Variants in ZMIZ1 observed in about 807,000 individuals in gnomAD.
ZMIZ1 encodes the protein zinc finger MIZ-type containing 1.
Under a neutral mutation model 113.9 loss-of-function variants are expected in ZMIZ1, and 17 were observed. That is an observed-to-expected ratio of 0.15 (90% CI 0.10 to 0.22). The LOEUF is 0.22. ZMIZ1 is among the 10% of genes least tolerant of loss of function. The pLI is 1.00. For synonymous variants in ZMIZ1, 607 were observed against 603.1 expected, an observed-to-expected ratio of 1.01 and a Z score of -0.09; for missense variants, 1,059 against 1,477.8, an observed-to-expected ratio of 0.72 and a Z score of 4.65.
chr10:79,240,797 G>A (rs1245793969), intron 7 of ZMIZ1, among the ~76,000 whole-genome samples: 2 of 151,826 alleles, frequency 1.3e-5, no homozygotes, highest in African/African-American at 4.8e-5. Flanking sequence ...TAGGGAGACT[G>A]GCAGGTTGTC....
chr10:79,161,700 T>G (rs1846120540), intron 3 of ZMIZ1, among the ~76,000 whole-genome samples: 1 of 152,266 alleles, frequency 6.6e-6, no homozygotes, highest in Admixed American at 6.5e-5. Flanking sequence ...TAGGGATCAC[T>G]ATCACATCAG....
chr10:79,196,264 C>T (rs569254039), intron 4 of ZMIZ1, among the ~76,000 whole-genome samples: 1 of 152,180 alleles, frequency 6.6e-6, no homozygotes, highest in Non-Finnish European at 1.5e-5. Context: ...TCTGCGATGT[C>T]CCTCCTGCCA....
intron 2 of ZMIZ1, among the ~76,000 whole-genome samples, chr10:79,126,470 G>A (rs1167903827): frequency 6.6e-6 from 1 of 152,164 alleles, no homozygotes; most frequent in Non-Finnish European, 1.5e-5. Flanking sequence ...AGTGCCAGCT[G>A]AGCCCCAAAG....
At position 79,192,849 on chromosome 10, in the gene ZMIZ1, C is replaced by G. The variant is rs536072188; in HGVS notation, c.-49-8735C>G. Among the ~76,000 whole-genome samples, 5 of 152,296 alleles carry G rather than the reference C, an allele frequency of 3.3e-5. 1 individual carries two copies. Among genetic ancestry groups the G allele is most frequent in the African/African-American group, 9.6e-5 (4 of 41,560 alleles). ...CCCTGTGCAATGACTCACGCTGGCC[C>G]GAGGGCCTGCTCCAGTTGTCCTGCT... is the stretch of plus-strand genomic sequence containing the variant. On this transcript the variant is annotated intron_variant, in intron 4 of 24. Transcript: ENST00000334512.
At chr10:79,155,006 T>G (rs1400750783) in intron 3 of ZMIZ1, among the ~76,000 whole-genome samples, 1 of 151,986 alleles carries the variant, frequency 6.6e-6, no homozygotes, top group East Asian at 1.9e-4. Flanking sequence ...TCTGTGAGAG[T>G]AGTGACTCTT....
intron 17 of ZMIZ1, 140 bp from the exon 18 acceptor site, chr10:79,301,967 G>T: frequency 1.4e-6 from 1 of 736,396 alleles, no homozygotes; most frequent in Non-Finnish European, 2.3e-6. Flanking sequence ...GCTCAGGCTC[G>T]CAAGTCCCAG....
chr10:79,242,797 C>G (rs902610135), intron 7 of ZMIZ1, among the ~76,000 whole-genome samples: 4 of 151,836 alleles, frequency 2.6e-5, no homozygotes, highest in Admixed American at 6.5e-5. Flanking sequence ...GGGGCCTCGT[C>G]GCCGCCCCCG....
chr10:79,208,314 G>T (rs745340538), intron 5 of ZMIZ1, 22 bp from the exon 6 acceptor site: 3 of 1,609,928 alleles, frequency 1.9e-6, no homozygotes, highest in African/African-American at 1.3e-5. Flanking sequence ...AGCCTCAGCC[G>T]CCTCCTTTTC....
intron 18 of ZMIZ1, among the ~76,000 whole-genome samples, chr10:79,302,683 T>G (rs1854388657): frequency 4.0e-5 from 3 of 75,558 alleles, no homozygotes; most frequent in African/African-American, 2.1e-4. Flanking sequence ...AGCTCATGCT[T>G]TTTTTTTTTT....
rs767755233 is a variant in ZMIZ1, at chr10:79,298,383, G to C, written c.1492-23G>C. The C allele has an allele frequency of 3.1e-6, 5 of 1,604,204 alleles. No individual in the cohort carries two copies. In the African/African-American group the frequency reaches 6.7e-5, roughly 22 times the overall value. On this transcript the variant is annotated intron_variant, in intron 14 of 24. Transcript: ENST00000334512. Reference sequence around the variant, plus strand: ...CTGTCTCCGTAATCCCATAACTCGTGCGTGTCTTTTCTTTCCCTCCAGCCT... The same window carrying C: ...CTGTCTCCGTAATCCCATAACTCGTCCGTGTCTTTTCTTTCCCTCCAGCCT...
rs1267562659 is a variant in ZMIZ1, at chr10:79,276,236, T to C, written c.281-945T>C. ...GGGCTCCTGAAGTCAAACAGCAAGATGGTGACTGAGCGCAGCCAGTTCCCC... is the reference window on the plus strand; with the variant it reads ...GGGCTCCTGAAGTCAAACAGCAAGACGGTGACTGAGCGCAGCCAGTTCCCC... On this transcript the variant is annotated intron_variant, in intron 7 of 24. Transcript: ENST00000334512. Among the ~76,000 whole-genome samples, 4 of 152,148 alleles carry C rather than the reference T, an allele frequency of 2.6e-5. No individual in the cohort carries two copies. The East Asian group carries it at 7.7e-4, about 29-fold the overall frequency.
Position 79,247,340 on chromosome 10 carries a change from G to A in ZMIZ1, c.281-29841G>A, listed in dbSNP as rs1850268567. 2.6e-5 allele frequency among the ~76,000 whole-genome samples: 4 copies of A among 152,156 alleles called. 1 individual carries two copies. The South Asian group carries it at 6.2e-4, about 24-fold the overall frequency. On this transcript the variant is annotated intron_variant, in intron 7 of 24. Transcript: ENST00000334512. ...CCAGGACCCATAGTGAGTCCCTCGG[G>A]GAAGCTCACAGTGTCCTTGTTCCCC...
intron 24 of ZMIZ1, among the ~76,000 whole-genome samples, chr10:79,311,700 G>A (rs1305724337): frequency 1.3e-5 from 2 of 152,222 alleles, no homozygotes. Context: ...GGCAGAGGGG[G>A]CAGCCTTGGG....
chr10:79,294,660 C>T (rs887382077), intron 12 of ZMIZ1: 2 of 152,216 alleles, frequency 1.3e-5, no homozygotes, highest in African/African-American at 4.8e-5. Flanking sequence ...AGATGCCCCT[C>T]GTGAAGCCCT....
chr10:79,113,780 C>T (rs1843860019), intron 1 of ZMIZ1, among the ~76,000 whole-genome samples: 1 of 151,996 alleles, frequency 6.6e-6, no homozygotes, highest in African/African-American at 2.4e-5. Context: ...GGCTGCCCCC[C>T]TTTCCTCTGA....
chr10:79,183,721 C>T (rs954886917), intron 4 of ZMIZ1, among the ~76,000 whole-genome samples: 1 of 152,150 alleles, frequency 6.6e-6, no homozygotes, highest in Non-Finnish European at 1.5e-5. Flanking sequence ...CTAATTATAT[C>T]GTGTACTATG....
chr10:79,187,040 TC>T lies in ZMIZ1; in HGVS notation c.-49-14541del, dbSNP rs373201189. Reference sequence around the variant, plus strand: ...TGCAGTCTAGCCCTCTGGTAGGCACTCCCAGCAGGTAGGTTGGTACTGTTTG... The same window carrying T: ...TGCAGTCTAGCCCTCTGGTAGGCACTCCAGCAGGTAGGTTGGTACTGTTTG... On this transcript the variant is annotated intron_variant, in intron 4 of 24. Coordinates refer to ENST00000334512, the MANE Select transcript of ZMIZ1 (RefSeq NM_020338.4). Among the ~76,000 whole-genome samples the T allele has an allele frequency of 2.4e-3, 366 of 152,326 alleles. 3 individuals carry two copies. Among genetic ancestry groups the T allele is most frequent in the African/African-American group, 8.0e-3 (333 of 41,584 alleles).
At chr10:79,115,916 C>T (rs561292337) in intron 1 of ZMIZ1, among the ~76,000 whole-genome samples, 14 of 152,352 alleles carry the variant, frequency 9.2e-5, no homozygotes, top group African/African-American at 3.1e-4. Context: ...CTCTGTCTGG[C>T]ATTACAACTC....
At chr10:79,129,005 G>GGGTAACACTT (rs1216997960) in intron 2 of ZMIZ1, among the ~76,000 whole-genome samples, 3 of 152,198 alleles carry the variant, frequency 2.0e-5, no homozygotes, top group Non-Finnish European at 2.9e-5. Flanking sequence ...GTCTGGTGCA[G>GGGTAACACTT]GGTAACACTT....
Sources: gnomAD v4.1 joint callset for allele counts (sites outside exome capture counted in the v4.1 genomes callset) on GRCh38, gnomAD v4.1.1 for gene constraint, MANE v1.5 for transcripts, NCBI Gene and HGNC (gene_info 2026-07-23, HGNC 2026-07-21) for gene names.